CDH12: variants seen among roughly 807,000 people sequenced by gnomAD.
The protein encoded by CDH12 is cadherin-12.
A neutral mutation model predicts 74.1 loss-of-function variants in CDH12; 41 were observed. That is an observed-to-expected ratio of 0.55 (90% CI 0.43 to 0.72). The LOEUF (loss-of-function observed/expected upper bound fraction) is 0.72. Among genes scored for constraint, CDH12 ranks in the 30% least tolerant of loss-of-function variants. CDH12 has a pLI of 0.00. For synonymous variants in CDH12, 399 were observed against 355.0 expected, an observed-to-expected ratio of 1.12 and a Z score of -1.39; for missense variants, 945 against 977.2, an observed-to-expected ratio of 0.97 and a Z score of 0.44.
intron 1 of CDH12, among the ~76,000 whole-genome samples, chr5:22,566,758 T>C (rs1372934819): frequency 2.0e-5 from 3 of 152,150 alleles, no homozygotes; most frequent in Non-Finnish European, 4.4e-5. Context: ...ATAACCAGTT[T>C]AGACCCAAAA....
At chr5:21,833,960 C>A (rs1215230696) in intron 8 of CDH12, among the ~76,000 whole-genome samples, 6 of 151,782 alleles carry the variant, frequency 4.0e-5, no homozygotes, top group Admixed American at 6.6e-5. Context: ...GACAAAGGAG[C>A]TTTTTGGTAA....
chr5:22,051,166 C>T (rs1740333066), intron 5 of CDH12, among the ~76,000 whole-genome samples: 1 of 152,036 alleles, frequency 6.6e-6, no homozygotes, highest in African/African-American at 2.4e-5. Context: ...GACAGCTCCT[C>T]CTTCTGCAGA....
chr5:22,524,313 A>C lies in CDH12; in HGVS notation c.-522-18949T>G, dbSNP rs928141066. Reference sequence around the variant, plus strand: ...CATTTATAATTTTTATCATTTAAAAATTTTTCTGTCCTTCAAGACTCATTT... The same window carrying C: ...CATTTATAATTTTTATCATTTAAAACTTTTTCTGTCCTTCAAGACTCATTT... On this transcript the variant is annotated intron_variant, in intron 1 of 14. Coordinates refer to ENST00000382254, the MANE Select transcript of CDH12 (RefSeq NM_004061.5). 1.3e-5 allele frequency among the ~76,000 whole-genome samples: 2 copies of C among 151,900 alleles called. 1 individual carries two copies. Among genetic ancestry groups the C allele is most frequent in the African/African-American group, 4.8e-5 (2 of 41,356 alleles).
chr5:22,253,070 C>A (rs908275968), intron 3 of CDH12, among the ~76,000 whole-genome samples: 3 of 151,858 alleles, frequency 2.0e-5, no homozygotes, highest in African/African-American at 7.2e-5. Context: ...AAGCACCTAG[C>A]ACCATGTTGA....
chr5:22,332,699 A>C (rs1380255542), intron 3 of CDH12, among the ~76,000 whole-genome samples: 2 of 152,228 alleles, frequency 1.3e-5, no homozygotes, highest in African/African-American at 4.8e-5. Context: ...TATGCAGCCA[A>C]AAAACATATG....
At chr5:21,946,634 A>G (rs1425808676) in intron 6 of CDH12, among the ~76,000 whole-genome samples, 1 of 152,252 alleles carries the variant, frequency 6.6e-6, no homozygotes, top group Non-Finnish European at 1.5e-5. Flanking sequence ...CATGCACTGC[A>G]TAATGATGTT....
At chr5:21,878,641 A>G (rs1364393064) in intron 6 of CDH12, among the ~76,000 whole-genome samples, 4 of 151,556 alleles carry the variant, frequency 2.6e-5, no homozygotes, top group African/African-American at 9.7e-5. Context: ...ACTTGGGAAG[A>G]TGAGGTGGGA....
At chr5:22,423,608 A>C (rs1743752304) in intron 2 of CDH12, among the ~76,000 whole-genome samples, 1 of 152,026 alleles carries the variant, frequency 6.6e-6, no homozygotes. Context: ...TACTTGATCA[A>C]AAACAACAGA....
intron 5 of CDH12, among the ~76,000 whole-genome samples, chr5:22,052,245 G>A (rs1740424958): frequency 6.6e-6 from 1 of 151,902 alleles, no homozygotes; most frequent in Non-Finnish European, 1.5e-5. Flanking sequence ...TCAAGTATAG[G>A]CCTCCTACAT....
At chr5:22,322,244 C>A (rs578047629) in intron 3 of CDH12, among the ~76,000 whole-genome samples, 1 of 152,070 alleles carries the variant, frequency 6.6e-6, no homozygotes, top group Non-Finnish European at 1.5e-5. Flanking sequence ...CAAAAGGCAC[C>A]AGCTTAGGAT....
intron 3 of CDH12, among the ~76,000 whole-genome samples, chr5:22,272,913 A>C (rs111568718): frequency 6.6e-6 from 1 of 152,210 alleles, no homozygotes; most frequent in Non-Finnish European, 1.5e-5. Flanking sequence ...ACTTACAATC[A>C]TGGCAGAAGG....
intron 1 of CDH12, among the ~76,000 whole-genome samples, chr5:22,696,151 A>G (rs940886015): frequency 1.3e-5 from 2 of 151,880 alleles, no homozygotes; most frequent in African/African-American, 4.8e-5. Context: ...GGCGGATTGC[A>G]AGGTCAGGAG....
At chr5:22,220,640 C>T (rs1032327425) in intron 3 of CDH12, among the ~76,000 whole-genome samples, 5 of 151,164 alleles carry the variant, frequency 3.3e-5, no homozygotes, top group African/African-American at 1.2e-4. Flanking sequence ...AATTCCAATG[C>T]TTTTCTGCTT....
At chr5:22,248,664 TCA>T (rs1444110613) in intron 3 of CDH12, among the ~76,000 whole-genome samples, 1 of 152,158 alleles carries the variant, frequency 6.6e-6, no homozygotes, top group Admixed American at 6.5e-5. Flanking sequence ...TATTTTGAAA[TCA>T]CAGTTTCGTT....
intron 3 of CDH12, among the ~76,000 whole-genome samples, chr5:22,278,683 T>C (rs981914167): frequency 6.6e-6 from 1 of 152,280 alleles, no homozygotes; most frequent in African/African-American, 2.4e-5. Context: ...TCTAAATTCT[T>C]TCTAGCTTTG....
At chr5:21,864,129 A>ATGTGTGTGTG (rs56781565) in intron 6 of CDH12, among the ~76,000 whole-genome samples, 1 of 149,696 alleles carries the variant, frequency 6.7e-6, no homozygotes, top group African/African-American at 2.4e-5. Context: ...CAGAAAGAAT[A>ATGTGTGTGTG]TGTGTGTGTG....
intron 1 of CDH12, among the ~76,000 whole-genome samples, chr5:22,711,499 A>G (rs1743286560): frequency 6.6e-6 from 1 of 152,082 alleles, no homozygotes; most frequent in Non-Finnish European, 1.5e-5. Context: ...TCATTGGAAA[A>G]CAAACAGCAA....
intron 1 of CDH12, among the ~76,000 whole-genome samples, chr5:22,831,363 GTGTGTGTC>G (rs1282354568): frequency 2.3e-4 from 31 of 134,974 alleles, no homozygotes; most frequent in East Asian, 8.6e-4. Context: ...GTGTGTGTGT[GTGTGTGTC>G]TGTGTGTGTG....
rs548375569 is a variant in CDH12, at chr5:22,283,111, G to A, written c.-332-70468C>T. Among the ~76,000 whole-genome samples, 44 of 150,354 alleles carry A rather than the reference G, an allele frequency of 2.9e-4. 1 individual carries two copies. In the South Asian group the frequency reaches 9.2e-3, roughly 32 times the overall value. On this transcript the variant is annotated intron_variant, in intron 3 of 14. Transcript: ENST00000382254. ...TTTGCAGGGACATGGATGAATATTTGTCACACAGAATATTTGTCCATCTTC... is the reference window on the plus strand; with the variant it reads ...TTTGCAGGGACATGGATGAATATTTATCACACAGAATATTTGTCCATCTTC...
Sources: allele counts gnomAD v4.1 joint callset (sites outside exome capture counted in the v4.1 genomes callset), GRCh38; gene constraint gnomAD v4.1.1; transcripts MANE v1.5; gene names NCBI Gene and HGNC (gene_info 2026-07-23, HGNC 2026-07-21).